DCTN5: variants seen among roughly 807,000 people sequenced by gnomAD.
DCTN5 encodes the protein dynactin 4.
A neutral mutation model predicts 23.5 loss-of-function variants in DCTN5; 14 were observed. That is an observed-to-expected ratio of 0.60 (90% confidence interval 0.39 to 0.93). DCTN5 has a LOEUF of 0.93. Ranked by LOEUF, DCTN5 falls within the 40% of genes least tolerant of loss-of-function variation. The probability of loss-of-function intolerance (pLI) is 0.00; values close to 1 mark genes in which losing one functional copy is unlikely to be tolerated. For missense variants in DCTN5, 156 were observed against 225.9 expected (o/e 0.69, Z 1.98); for synonymous variants, 67 against 79.6 (o/e 0.84, Z 0.84).
intron 4 of DCTN5, 142 bp from the exon 5 acceptor site, chr16:23,665,484 G>T: frequency 4.3e-6 from 3 of 697,446 alleles, no homozygotes; most frequent in Non-Finnish European, 7.1e-6. Context: ...TTCTCGTCAG[G>T]TACCACCTGA....
chr16:23,648,568 G>A (rs988932916), intron 2 of DCTN5, among the ~76,000 whole-genome samples: 1 of 151,128 alleles, frequency 6.6e-6, no homozygotes, highest in African/African-American at 2.4e-5. Context: ...CAGGCTGGTC[G>A]TGAACTCCTG....
At chr16:23,644,363 C>T (rs763303386) in intron 2 of DCTN5, among the ~76,000 whole-genome samples, 1 of 139,150 alleles carries the variant, frequency 7.2e-6, no homozygotes, top group East Asian at 2.2e-4. Flanking sequence ...TGCAGTGGTG[C>T]GATTTTGGCT....
chr16:23,652,786 T>A (rs1256233016), intron 2 of DCTN5, among the ~76,000 whole-genome samples: 2 of 152,164 alleles, frequency 1.3e-5, no homozygotes, highest in African/African-American at 4.8e-5. Flanking sequence ...CATTGACATA[T>A]AATAGATGTA....
In DCTN5 at chr16:23,672,482, A is replaced by C. The variant is rs2140992975; in HGVS notation, c.*5338A>C. ...CCGGAGTTTTTAGTCTATTGAGTTTAACCGACAGATCATACTGTGTTTTGG... is the reference window on the plus strand; with the variant it reads ...CCGGAGTTTTTAGTCTATTGAGTTTCACCGACAGATCATACTGTGTTTTGG... On this transcript the variant is annotated 3_prime_UTR_variant, in exon 6 of 6. Transcript: ENST00000300087. 1 of 152,346 alleles carries C rather than the reference A, an allele frequency of 6.6e-6. No homozygotes were observed. The highest frequency in any genetic ancestry group is 2.4e-5 in the African/African-American group (1 of 41,588). 9.4% of individuals were successfully genotyped at this position (152,346 alleles called of 1,614,324 possible).
chr16:23,654,602 C>A (rs1449089204), intron 2 of DCTN5, among the ~76,000 whole-genome samples: 1 of 152,146 alleles, frequency 6.6e-6, no homozygotes, highest in Non-Finnish European at 1.5e-5. Flanking sequence ...TACCCCTGAA[C>A]TTAAAAGTTT....
Position 23,661,222 on chromosome 16 carries a change from T to C in DCTN5, c.289T>C (p.Cys97Arg). Reference sequence around the variant, plus strand: ...AGACCATGTCTTTATTGAGGAAGATTGTGTGGTCAACGCAGCACAGATTGG... The same window carrying C: ...AGACCATGTCTTTATTGAGGAAGATCGTGTGGTCAACGCAGCACAGATTGG... The part of the protein sequence containing the change: ...IGDHVFIEED[C>R]VVNAAQIGSY... Residue 97 changes from cysteine to arginine, a missense_variant, in exon 4 of 6, where the codon TGT becomes CGT. Physicochemically the swap from Cys to Arg is radical, Grantham distance 180 (BLOSUM62 -3). This residue lies in a region of DCTN5 where 153 missense variants were observed against 206.8 expected (regional missense o/e 0.74). Coordinates refer to ENST00000300087, the MANE Select transcript of DCTN5 (RefSeq NM_032486.4). The C allele has an allele frequency of 6.2e-7, 1 of 1,613,210 alleles. No homozygotes were observed. Among genetic ancestry groups the C allele is most frequent in the Non-Finnish European group, 8.5e-7 (1 of 1,179,668 alleles).
intron 2 of DCTN5, among the ~76,000 whole-genome samples, chr16:23,654,849 A>T (rs1484267133): frequency 6.6e-6 from 1 of 152,114 alleles, no homozygotes; most frequent in Non-Finnish European, 1.5e-5. Flanking sequence ...AGAACGTGTG[A>T]TATATGTCTT....
At chr16:23,666,289 C>T (rs989055546) in intron 5 of DCTN5, among the ~76,000 whole-genome samples, 1 of 152,160 alleles carries the variant, frequency 6.6e-6, no homozygotes, top group Admixed American at 6.5e-5. Flanking sequence ...CCCAGGAATT[C>T]CCAGACTGAA....
chr16:23,642,783 A>G, intron 1 of DCTN5, 172 bp from the exon 2 acceptor site: 1 of 608,324 alleles, frequency 1.6e-6, no homozygotes, highest in South Asian at 2.0e-5. Flanking sequence ...CACCATACTC[A>G]GCCATAGTTT....
intron 5 of DCTN5, 98 bp downstream of exon 5, chr16:23,665,826 A>T: frequency 1.0e-6 from 1 of 972,946 alleles, no homozygotes; most frequent in Non-Finnish European, 1.6e-6. Flanking sequence ...CTCTGGCAAT[A>T]TGTTGATAGA....
chr16:23,661,115 G>C, intron 3 of DCTN5, 55 bp from the exon 4 acceptor site: 1 of 1,264,284 alleles, frequency 7.9e-7, no homozygotes. Flanking sequence ...TATAAACCTT[G>C]ACCCAAAGTA....
At chr16:23,656,272 T>A (rs2140981451) in intron 2 of DCTN5, among the ~76,000 whole-genome samples, 1 of 152,294 alleles carries the variant, frequency 6.6e-6, no homozygotes, top group South Asian at 2.1e-4. Flanking sequence ...ATCATGTTAA[T>A]ATTGTAAAAA....
At chr16:23,659,037 T>G (rs1281130539) in intron 3 of DCTN5, among the ~76,000 whole-genome samples, 2 of 152,172 alleles carry the variant, frequency 1.3e-5, no homozygotes, top group Non-Finnish European at 2.9e-5. Context: ...CATTTCTACT[T>G]GCCTTTTCTC....
rs575110067 is a variant in DCTN5 at position 23,672,755 on chromosome 16, G to A, written c.*5611G>A. ...GGCACATAGTAAATGCTTAATAAGG[G>A]TTCACTGTTAGTATTACTGTTACTG... On this transcript the variant is annotated 3_prime_UTR_variant, in exon 6 of 6. Transcript: ENST00000300087. 1 of 152,256 alleles carries A rather than the reference G, an allele frequency of 6.6e-6. No homozygotes were observed. Among genetic ancestry groups the A allele is most frequent in the Admixed American group, 6.5e-5 (1 of 15,280 alleles). The allele number at this position is 152,256 out of a possible 1,614,324, so 9.4% of individuals were successfully genotyped here. A position where few individuals can be genotyped will look rare whatever the true frequency, so the allele number is the denominator to read the frequency against.
chr16:23,651,645 A>G (rs797009408), intron 2 of DCTN5, among the ~76,000 whole-genome samples: 1 of 152,368 alleles, frequency 6.6e-6, no homozygotes, highest in African/African-American at 2.4e-5. Flanking sequence ...ACTGAAAACA[A>G]TAATTGAAGT....
At chr16:23,651,346 T>A (rs1448901636) in intron 2 of DCTN5, among the ~76,000 whole-genome samples, 5 of 152,232 alleles carry the variant, frequency 3.3e-5, no homozygotes, top group Non-Finnish European at 5.9e-5. Flanking sequence ...TCCTCAGCAC[T>A]ACTCCTTGTG....
At chr16:23,646,731 C>A (rs531390130) in intron 2 of DCTN5, among the ~76,000 whole-genome samples, 1 of 152,290 alleles carries the variant, frequency 6.6e-6, no homozygotes, top group East Asian at 1.9e-4. Flanking sequence ...CATGCGCCAC[C>A]ATGCCTGACT....
chr16:23,672,713 C>T lies in DCTN5; in HGVS notation c.*5569C>T, dbSNP rs1968028176. 6.6e-6 allele frequency: 1 copy of T among 152,230 alleles called. No individual in the cohort carries two copies. Among genetic ancestry groups the T allele is most frequent in the African/African-American group, 2.4e-5 (1 of 41,444 alleles). 9.4% of individuals were successfully genotyped at this position (152,230 alleles called of 1,614,324 possible). A position where few individuals can be genotyped will look rare whatever the true frequency, so the allele number is the denominator to read the frequency against. On this transcript the variant is annotated 3_prime_UTR_variant, in exon 6 of 6. Transcript: ENST00000300087. ...GGTAAATGAGATCATCTCTGTAAAA[C>T]TCTTAGCCTTGTGCCTGGCACATAG...
At position 23,668,252 on chromosome 16, in the gene DCTN5, GA is replaced by G. The variant is rs1859221721; in HGVS notation, c.*1110del. 6.6e-6 allele frequency: 1 copy of G among 152,220 alleles called. No individual in the cohort carries two copies. Among genetic ancestry groups the G allele is most frequent in the African/African-American group, 2.4e-5 (1 of 41,454 alleles). 9.4% of individuals were successfully genotyped at this position (152,220 alleles called of 1,614,324 possible). On this transcript the variant is annotated 3_prime_UTR_variant, in exon 6 of 6. Transcript: ENST00000300087. ...CTCTGATCTGTAAGTGAATAGGGCA[GA>G]ACAGTTCAGCCTTGAGGTTAGAATT... is the stretch of plus-strand genomic sequence containing the variant.
Sources: gnomAD v4.1 joint callset for allele counts (sites outside exome capture counted in the v4.1 genomes callset) on GRCh38, gnomAD v4.1.1 for gene constraint, gnomAD v4.1.1 regional missense constraint, MANE v1.5 for transcripts, NCBI Gene and HGNC (gene_info 2026-07-23, HGNC 2026-07-21) for gene names.